Variants in ANP32E observed in about 807,000 individuals in gnomAD.
The protein encoded by ANP32E is acidic nuclear phosphoprotein 32 family member E.
A neutral mutation model predicts 35.3 loss-of-function variants in ANP32E; 14 were observed. The ratio of observed to expected loss-of-function variants is 0.40; its 90% CI spans 0.26 to 0.62. The LOEUF is 0.62. ANP32E is among the 20% of genes least tolerant of loss of function. The pLI, the probability that ANP32E is intolerant of heterozygous loss-of-function variation, is 0.45. For synonymous variants in ANP32E, 89 were observed against 110.4 expected (o/e 0.81, Z 1.22); for missense variants, 198 against 304.4 (o/e 0.65, Z 2.60).
chr1:150,234,484 A>C (rs925874617), intron 1 of ANP32E: 1 of 673,192 alleles, frequency 1.5e-6, no homozygotes, highest in African/African-American at 2.0e-5. Flanking sequence ...AAGCCCAGAC[A>C]GACCCTGCTC....
At chr1:150,224,700 T>C (rs1648728550) in intron 5 of ANP32E, among the ~76,000 whole-genome samples, 1 of 152,240 alleles carries the variant, frequency 6.6e-6, no homozygotes, top group Non-Finnish European at 1.5e-5. Flanking sequence ...ATATGTGTCA[T>C]TGATCGTTTA....
intron 3 of ANP32E, among the ~76,000 whole-genome samples, chr1:150,230,194 A>G (rs1553841333): frequency 6.6e-6 from 1 of 152,068 alleles, no homozygotes; most frequent in South Asian, 2.1e-4. Flanking sequence ...TCTTTTTTCA[A>G]AATCAGAGCA....
rs1406252250 is a variant in ANP32E, at chr1:150,229,133, G to A, written c.432C>T (p.Tyr144=). 10 of 1,613,084 alleles carry A rather than the reference G, an allele frequency of 6.2e-6. No individual in the cohort carries two copies. The highest frequency in any genetic ancestry group is 7.6e-6 in the Non-Finnish European group (9 of 1,179,536). ...SIFELLQQIT[Y]LDGFDQEDNE... is the part of the protein sequence containing the mutation. ...TATCCTCCTGATCAAATCCATCTAA[G>A]TATGTGATTTGCTGCAGTAGTTCAA... The change falls in exon 4 of 7, where the codon TAC becomes TAT. Residue 144 remains tyrosine, a synonymous_variant. Transcript: ENST00000583931.
In ANP32E at chr1:150,226,698, A is replaced by G. The variant is rs782368131; in HGVS notation, c.591T>C (p.Asp197=). Residue 197 remains aspartate (D), a synonymous_variant, in exon 5 of 7, where the codon GAT becomes GAC. Coordinates refer to ENST00000583931, the MANE Select transcript of ANP32E (RefSeq NM_030920.5). The part of the protein sequence containing the change: ...EEEEEEEEDE[D]EDEDEDEAGS... Reference sequence around the variant, plus strand: ...CTGCTTCATCTTCATCTTCATCCTCATCCTCATCCTCCTCTTCCTCTTCCT... The same window carrying G: ...CTGCTTCATCTTCATCTTCATCCTCGTCCTCATCCTCCTCTTCCTCTTCCT... 45 of 1,581,752 alleles carry G rather than the reference A, an allele frequency of 2.8e-5. No homozygotes were observed. In the South Asian group the frequency reaches 3.2e-4, roughly 11 times the overall value.
chr1:150,228,774 T>G (rs1163824105), intron 4 of ANP32E, among the ~76,000 whole-genome samples: 1 of 152,108 alleles, frequency 6.6e-6, no homozygotes, highest in Non-Finnish European at 1.5e-5. Flanking sequence ...TATAAGTGGT[T>G]GCTTTTTTAA....
chr1:150,222,604 A>G (rs1337888840), intron 6 of ANP32E, among the ~76,000 whole-genome samples: 1 of 151,024 alleles, frequency 6.6e-6, no homozygotes, highest in Admixed American at 6.6e-5. Context: ...AAAAACATAC[A>G]GAAATTAGCT....
At chr1:150,227,588 C>G (rs1257367195) in intron 4 of ANP32E, among the ~76,000 whole-genome samples, 2 of 151,466 alleles carry the variant, frequency 1.3e-5, no homozygotes, top group African/African-American at 4.8e-5. Context: ...ACACTGGAAA[C>G]TTCAAAAGAG....
Position 150,225,665 on chromosome 1 carries a change from T to TCAAAAAAAAAAAAAAAAAAAAAAAA in ANP32E, c.681+942_681+943insTTTTTTTTTTTTTTTTTTTTTTTTG, listed in dbSNP as rs1339242877. 4.8e-5 allele frequency among the ~76,000 whole-genome samples: 4 copies of TCAAAAAAAAAAAAAAAAAAAAAAAA among 83,536 alleles called. 2 individuals are homozygous for TCAAAAAAAAAAAAAAAAAAAAAAAA. The highest frequency in any genetic ancestry group is 8.4e-5 in the Non-Finnish European group (4 of 47,680). 54.8% of individuals were successfully genotyped at this position (83,536 alleles called of 152,430 possible). A position where few individuals can be genotyped will look rare whatever the true frequency, so the allele number is the denominator to read the frequency against. ...CAGCCTGGGCAACAGAGTGAGACTG[T>TCAAAAAAAAAAAAAAAAAAAAAAAA]AACAAAAAAAAAAAAAAAAAAAAAA... On this transcript the variant is annotated intron_variant, in intron 5 of 6. Coordinates refer to ENST00000583931, the MANE Select transcript of ANP32E (RefSeq NM_030920.5).
chr1:150,218,497 C>A lies in ANP32E; in HGVS notation c.*2194G>T, dbSNP rs1184327436. The A allele has an allele frequency of 3.9e-5, 6 of 152,552 alleles. No homozygotes were observed. The East Asian group carries it at 1.2e-3, about 29-fold the overall frequency. The allele number at this position is 152,552 out of a possible 1,614,324, so 9.4% of individuals were successfully genotyped here. ...AAGTTACAGCAGTCACAGAAAAAAACAGGGAACAGTCAAAAACAATAAAAG... is the reference window on the plus strand; with the variant it reads ...AAGTTACAGCAGTCACAGAAAAAAAAAGGGAACAGTCAAAAACAATAAAAG... On this transcript the variant is annotated 3_prime_UTR_variant, in exon 7 of 7. Coordinates refer to ENST00000583931, the MANE Select transcript of ANP32E (RefSeq NM_030920.5).
chr1:150,230,527 T>G, intron 3 of ANP32E, 44 bp downstream of exon 3: 1 of 1,513,884 alleles, frequency 6.6e-7, no homozygotes. Flanking sequence ...CTCAGAAAAT[T>G]TAACCAAAAA....
intron 6 of ANP32E, among the ~76,000 whole-genome samples, chr1:150,221,919 G>A (rs940216834): frequency 5.9e-5 from 9 of 151,850 alleles, no homozygotes; most frequent in South Asian, 2.1e-4. Context: ...GTGAGACCCC[G>A]TCTATACAAA....
intron 5 of ANP32E, among the ~76,000 whole-genome samples, chr1:150,224,910 C>T (rs1553839376): frequency 6.6e-6 from 1 of 152,174 alleles, no homozygotes; most frequent in East Asian, 1.9e-4. Flanking sequence ...ACTGACATTT[C>T]CCATGAGCCT....
At chr1:150,222,789 A>G (rs1276069330) in intron 6 of ANP32E, among the ~76,000 whole-genome samples, 1 of 151,550 alleles carries the variant, frequency 6.6e-6, no homozygotes, top group Non-Finnish European at 1.5e-5. Flanking sequence ...ATATATATAA[A>G]TTTTTAAAGG....
At chr1:150,224,433 G>A (rs1325569304) in intron 5 of ANP32E, among the ~76,000 whole-genome samples, 3 of 151,974 alleles carry the variant, frequency 2.0e-5, no homozygotes, top group Non-Finnish European at 4.4e-5. Context: ...AATTAGCCAG[G>A]TGTGGTGGTG....
At chr1:150,226,364 C>G (rs1553839987) in intron 5 of ANP32E, among the ~76,000 whole-genome samples, 1 of 152,088 alleles carries the variant, frequency 6.6e-6, no homozygotes, top group Non-Finnish European at 1.5e-5. Context: ...AATGTTTCCA[C>G]CATACCATGC....
chr1:150,234,426 T>A (rs1276502482), intron 1 of ANP32E, among the ~76,000 whole-genome samples: 1 of 141,508 alleles, frequency 7.1e-6, no homozygotes, highest in African/African-American at 2.7e-5. Context: ...AACAGGCACT[T>A]AAAAAAAAAA....
chr1:150,227,530 A>T (rs1648970695), intron 4 of ANP32E, among the ~76,000 whole-genome samples: 1 of 151,860 alleles, frequency 6.6e-6, no homozygotes, highest in South Asian at 2.1e-4. Context: ...TCACTCTTAC[A>T]AGCAGGAGTT....
chr1:150,232,512 C>T (rs1255661628), intron 1 of ANP32E, among the ~76,000 whole-genome samples: 1 of 143,328 alleles, frequency 7.0e-6, no homozygotes, highest in Non-Finnish European at 1.5e-5. Flanking sequence ...GCTCTGTTAC[C>T]CAGGCTGGAG....
chr1:150,234,066 CTT>C (rs1342389512), intron 1 of ANP32E, among the ~76,000 whole-genome samples: 1 of 152,110 alleles, frequency 6.6e-6, no homozygotes, highest in Non-Finnish European at 1.5e-5. Flanking sequence ...GGGTAAAGTG[CTT>C]TGTAAACTGT....
Sources: allele counts gnomAD v4.1 joint callset (sites outside exome capture counted in the v4.1 genomes callset), GRCh38; gene constraint gnomAD v4.1.1; transcripts MANE v1.5; gene names NCBI Gene and HGNC (gene_info 2026-07-23, HGNC 2026-07-21).